The following ARHGAP42 variants were observed in gnomAD, a reference collection of about 807,000 sequenced individuals.
The protein encoded by ARHGAP42 is Rho GTPase activating protein 42.
ARHGAP42 carries 63 observed loss-of-function variants against 125.0 expected under a neutral mutation model. That is an observed-to-expected ratio of 0.50 (90% CI 0.41 to 0.62). The LOEUF is 0.62. Among genes scored for constraint, ARHGAP42 ranks in the 20% least tolerant of loss-of-function variants. The pLI is 0.00. For synonymous variants in ARHGAP42, 339 were observed against 351.0 expected, an observed-to-expected ratio of 0.97 and a Z score of 0.38; for missense variants, 766 against 1,024.2, an observed-to-expected ratio of 0.75 and a Z score of 3.44.
chr11:100,833,445 C>A (rs1179382893), intron 3 of ARHGAP42, among the ~76,000 whole-genome samples: 1 of 152,134 alleles, frequency 6.6e-6, no homozygotes, highest in East Asian at 1.9e-4. Flanking sequence ...TTGGGCAGGG[C>A]TCAGATGGGA....
intron 10 of ARHGAP42, among the ~76,000 whole-genome samples, chr11:100,944,440 C>T (rs1867963744): frequency 1.3e-5 from 2 of 152,060 alleles, no homozygotes; most frequent in Non-Finnish European, 1.5e-5. Context: ...CTCTGTAATC[C>T]ATGATCTATC....
At chr11:100,806,667 G>A (rs1388053744) in intron 3 of ARHGAP42, among the ~76,000 whole-genome samples, 1 of 151,942 alleles carries the variant, frequency 6.6e-6, no homozygotes, top group East Asian at 1.9e-4. Flanking sequence ...TTACTGAATT[G>A]TGGATGCTTT....
At chr11:100,695,544 A>G (rs1344285987) in intron 1 of ARHGAP42, among the ~76,000 whole-genome samples, 1 of 152,100 alleles carries the variant, frequency 6.6e-6, no homozygotes, top group Non-Finnish European at 1.5e-5. Context: ...ACCTCAGGCA[A>G]TCTACCCTCC....
At chr11:100,808,423 G>A (rs1164495297) in intron 3 of ARHGAP42, among the ~76,000 whole-genome samples, 1 of 139,922 alleles carries the variant, frequency 7.1e-6, no homozygotes, top group Non-Finnish European at 1.5e-5. Flanking sequence ...TTTTGAGACG[G>A]AGTCTCGCTC....
At chr11:100,798,944 G>A (rs558621925) in intron 3 of ARHGAP42, among the ~76,000 whole-genome samples, 15 of 152,340 alleles carry the variant, frequency 9.8e-5, no homozygotes, top group East Asian at 5.8e-4. Context: ...CAAGTAGGTC[G>A]TGGCAGTTGT....
chr11:100,846,120 A>C (rs1865060658), intron 3 of ARHGAP42, among the ~76,000 whole-genome samples: 1 of 152,170 alleles, frequency 6.6e-6, no homozygotes, highest in Admixed American at 6.5e-5. Flanking sequence ...CACCTTTTAG[A>C]AGTAGAAGTA....
At chr11:100,825,804 A>T (rs932377787) in intron 3 of ARHGAP42, among the ~76,000 whole-genome samples, 3 of 152,078 alleles carry the variant, frequency 2.0e-5, no homozygotes, top group African/African-American at 7.2e-5. Flanking sequence ...TTCAGTGTGC[A>T]TGTGTTTTAT....
At chr11:100,887,649 T>C (rs922655181) in intron 4 of ARHGAP42, among the ~76,000 whole-genome samples, 3 of 152,218 alleles carry the variant, frequency 2.0e-5, no homozygotes, top group Non-Finnish European at 4.4e-5. Context: ...CAGAGATGTC[T>C]GACCCAAGTT....
chr11:100,905,878 C>T (rs552574526), intron 4 of ARHGAP42, among the ~76,000 whole-genome samples: 3 of 152,062 alleles, frequency 2.0e-5, no homozygotes, highest in Non-Finnish European at 4.4e-5. Flanking sequence ...CTCGGGAGGC[C>T]GAGGCACGGG....
chr11:100,783,787 GACTT>G (rs1007395076), intron 2 of ARHGAP42, among the ~76,000 whole-genome samples: 2 of 152,230 alleles, frequency 1.3e-5, no homozygotes, highest in African/African-American at 2.4e-5. Flanking sequence ...TACAAGGTGT[GACTT>G]ACTTAGTTCA....
chr11:100,956,020 A>G (rs989080121), intron 12 of ARHGAP42, among the ~76,000 whole-genome samples: 26 of 152,220 alleles, frequency 1.7e-4, no homozygotes, highest in African/African-American at 6.0e-4. Context: ...TATTTTAGCC[A>G]TCTTGTCCTC....
intron 5 of ARHGAP42, among the ~76,000 whole-genome samples, chr11:100,913,927 A>G (rs925195529): frequency 2.0e-5 from 3 of 151,836 alleles, no homozygotes; most frequent in African/African-American, 7.3e-5. Context: ...ACAGCTACAC[A>G]TTTTATTTTA....
chr11:100,699,491 TATATATATATATATA>T (rs1303373377), intron 1 of ARHGAP42, among the ~76,000 whole-genome samples: 2 of 35,472 alleles, frequency 5.6e-5, no homozygotes, highest in African/African-American at 2.2e-4. Flanking sequence ...TATATATATA[TATATATATATATATA>T]TTTTTTTTTT....
At chr11:100,946,177 C>G (rs796698969) in intron 10 of ARHGAP42, among the ~76,000 whole-genome samples, 2 of 152,170 alleles carry the variant, frequency 1.3e-5, no homozygotes, top group African/African-American at 4.8e-5. Context: ...CTGCAGCTTA[C>G]TCACCTCTCT....
At chr11:100,772,932 G>A (rs1032514330) in intron 2 of ARHGAP42, among the ~76,000 whole-genome samples, 8 of 152,198 alleles carry the variant, frequency 5.3e-5, no homozygotes, top group Non-Finnish European at 7.3e-5. Context: ...CGCCTCCTGG[G>A]TTTGAGTGAT....
At chr11:100,966,259 A>G (rs1223666047) in intron 17 of ARHGAP42, among the ~76,000 whole-genome samples, 1 of 152,150 alleles carries the variant, frequency 6.6e-6, no homozygotes, top group Non-Finnish European at 1.5e-5. Flanking sequence ...TATATTTACC[A>G]TCTCTCTTTG....
At chr11:100,765,298 C>T (rs1484584273) in intron 1 of ARHGAP42, among the ~76,000 whole-genome samples, 3 of 152,204 alleles carry the variant, frequency 2.0e-5, no homozygotes, top group Non-Finnish European at 4.4e-5. Flanking sequence ...CCTACACACT[C>T]AATCCAAACT....
At chr11:100,806,756 A>G (rs896041814) in intron 3 of ARHGAP42, among the ~76,000 whole-genome samples, 1 of 152,218 alleles carries the variant, frequency 6.6e-6, no homozygotes, top group East Asian at 1.9e-4. Flanking sequence ...GTTTATCATA[A>G]CTGCAATAAT....
At chr11:100,810,253 A>G (rs1369670507) in intron 3 of ARHGAP42, among the ~76,000 whole-genome samples, 4 of 152,218 alleles carry the variant, frequency 2.6e-5, no homozygotes, top group Admixed American at 1.3e-4. Context: ...AAACCAATCA[A>G]TGAGTCAGTT....
Sources: allele counts gnomAD v4.1 joint callset (sites outside exome capture counted in the v4.1 genomes callset), GRCh38; gene constraint gnomAD v4.1.1; transcripts MANE v1.5; gene names NCBI Gene and HGNC (gene_info 2026-07-23, HGNC 2026-07-21).